The following BIRC2 variants were observed in gnomAD, a reference collection of about 807,000 sequenced individuals.
BIRC2 encodes baculoviral IAP repeat containing 2.
A neutral mutation model predicts 60.9 loss-of-function variants in BIRC2; 18 were observed. The observed-to-expected ratio is 0.30, with a 90% CI of 0.20 to 0.44. The LOEUF is 0.44. BIRC2 is among the 20% of genes least tolerant of loss of function. BIRC2 has a pLI of 1.00. For missense variants in BIRC2, 701 were observed against 728.5 expected, an observed-to-expected ratio of 0.96 and a Z score of 0.43; for synonymous variants, 282 against 247.7, an observed-to-expected ratio of 1.14 and a Z score of -1.30.
intron 3 of BIRC2, among the ~76,000 whole-genome samples, chr11:102,360,819 G>T (rs1182905450): frequency 1.0e-4 from 14 of 136,006 alleles, no homozygotes; most frequent in African/African-American, 3.3e-4. Context: ...TTTGCCTGTG[G>T]GTGAGGGTGA....
At position 102,378,193 on chromosome 11, in the gene BIRC2, G is replaced by A; in HGVS notation, c.*10G>A. On this transcript the variant is annotated 3_prime_UTR_variant, in exon 9 of 9. Coordinates refer to ENST00000227758, the MANE Select transcript of BIRC2 (RefSeq NM_001166.5). ...TACATTTCTCTCTTAAAGAAAAATA[G>A]TCTATATTTTAACCTGCATAAAAAG... The A allele has an allele frequency of 5.7e-6, 9 of 1,567,582 alleles. No individual in the cohort carries two copies. The highest frequency in any genetic ancestry group is 7.8e-6 in the Non-Finnish European group (9 of 1,160,542).
At chr11:102,351,641 A>G (rs1374454788) in intron 3 of BIRC2, among the ~76,000 whole-genome samples, 35 of 146,738 alleles carry the variant, frequency 2.4e-4, no homozygotes, top group African/African-American at 9.5e-4. Flanking sequence ...AAAAAAAGAA[A>G]AAAGCATATC....
intron 1 of BIRC2, 78 bp downstream of exon 1, chr11:102,347,454 A>T (rs1489922832): frequency 1.5e-3 from 1 of 678 alleles, no homozygotes; most frequent in Non-Finnish European, 2.6e-3. Context: ...CACTTCCCTG[A>T]TGTGGCGGCG....
chr11:102,369,918 A>ATGGCGAG (rs1951607721), intron 6 of BIRC2, among the ~76,000 whole-genome samples: 1 of 150,072 alleles, frequency 6.7e-6, no homozygotes. Context: ...ATGGCCAGTG[A>ATGGCGAG]TGATGAGCAT....
intron 5 of BIRC2, among the ~76,000 whole-genome samples, chr11:102,364,180 C>CAGAG (rs1565335654): frequency 2.7e-5 from 2 of 73,984 alleles, no homozygotes; most frequent in African/African-American, 1.6e-4. Flanking sequence ...TATATACACA[C>CAGAG]ACACACAGAG....
chr11:102,368,179 G>A (rs868220685), intron 5 of BIRC2, 127 bp from the exon 6 acceptor site: 45 of 1,036,820 alleles, frequency 4.3e-5, no homozygotes, highest in Non-Finnish European at 5.5e-5. Flanking sequence ...ATAGGTAATC[G>A]ATGCATATAG....
At chr11:102,347,535 C>T (rs1349314269) in intron 1 of BIRC2, 159 bp downstream of exon 1, 1 of 152,272 alleles carries the variant, frequency 6.6e-6, no homozygotes, top group African/African-American at 2.4e-5. Context: ...CTGCTTTCTA[C>T]TCTCGCCAAG....
chr11:102,372,992 C>G (rs1381017513), intron 6 of BIRC2, among the ~76,000 whole-genome samples: 2 of 151,768 alleles, frequency 1.3e-5, no homozygotes, highest in African/African-American at 2.4e-5. Flanking sequence ...ATTGCAACCC[C>G]TGCCTCTTTT....
chr11:102,362,330 G>A (rs1227966564), intron 3 of BIRC2, among the ~76,000 whole-genome samples: 1 of 151,984 alleles, frequency 6.6e-6, no homozygotes, highest in African/African-American at 2.4e-5. Context: ...AGATATAGAT[G>A]GTATGTGAAC....
At chr11:102,367,785 T>A (rs1182307263) in intron 5 of BIRC2, among the ~76,000 whole-genome samples, 2 of 152,218 alleles carry the variant, frequency 1.3e-5, no homozygotes, top group African/African-American at 4.8e-5. Context: ...TGAACTGATC[T>A]TCTATTTTAC....
chr11:102,358,782 T>C (rs571433341), intron 3 of BIRC2, among the ~76,000 whole-genome samples: 12 of 152,212 alleles, frequency 7.9e-5, no homozygotes, highest in African/African-American at 9.6e-5. Context: ...GATAAAACTT[T>C]AGCTTCCTCT....
Position 102,350,164 on chromosome 11 carries a change from A to C in BIRC2, c.310A>C (p.Lys104Gln). 6.2e-7 allele frequency: 1 copy of C among 1,614,260 alleles called. No homozygotes were observed. The highest frequency in any genetic ancestry group is 2.2e-5 in the East Asian group (1 of 44,890). The change falls in exon 2 of 9, where the codon AAA becomes CAA. Residue 104 changes from lysine (K) to glutamine (Q), a missense_variant. Transcript: ENST00000227758. Reference sequence around the variant, plus strand: ...AGGAGACAGTCCTATTCAAAAGCATAAACAGCTATATCCTAGCTGTAGCTT... The same window carrying C: ...AGGAGACAGTCCTATTCAAAAGCATCAACAGCTATATCCTAGCTGTAGCTT... ...KLGDSPIQKH[K>Q]QLYPSCSFIQ...
At chr11:102,359,124 G>A (rs967815253) in intron 3 of BIRC2, among the ~76,000 whole-genome samples, 5 of 152,006 alleles carry the variant, frequency 3.3e-5, no homozygotes, top group African/African-American at 1.2e-4. Context: ...TCTACTATTG[G>A]TTTCTACTTT....
chr11:102,374,282 C>T (rs1275851), intron 6 of BIRC2, among the ~76,000 whole-genome samples: 18,913 of 143,064 alleles, frequency 0.13, 2,677 homozygotes, highest in African/African-American at 0.31. Context: ...TTCTGTTTTT[C>T]CCCCATCTTT....
At chr11:102,355,431 T>G (rs1244489156) in intron 3 of BIRC2, among the ~76,000 whole-genome samples, 1 of 152,226 alleles carries the variant, frequency 6.6e-6, no homozygotes, top group East Asian at 1.9e-4. Flanking sequence ...ATTGTATATG[T>G]GGCTTTATTT....
intron 5 of BIRC2, among the ~76,000 whole-genome samples, chr11:102,366,499 T>A (rs1306096908): frequency 6.6e-6 from 1 of 152,084 alleles, no homozygotes; most frequent in Non-Finnish European, 1.5e-5. Context: ...CCCAGGTAGC[T>A]GGGACTACAG....
At chr11:102,373,029 C>T (rs1200609822) in intron 6 of BIRC2, among the ~76,000 whole-genome samples, 1 of 151,242 alleles carries the variant, frequency 6.6e-6, no homozygotes, top group African/African-American at 2.4e-5. Context: ...GGTAGATCTT[C>T]CTCCATCCTT....
chr11:102,349,206 A>G lies in BIRC2; in HGVS notation c.-649A>G, dbSNP rs923951577. 6.6e-6 allele frequency: 1 copy of G among 151,710 alleles called. No homozygotes were observed. Among genetic ancestry groups the G allele is most frequent in the Non-Finnish European group, 1.5e-5 (1 of 67,782 alleles). The allele number at this position is 151,710 out of a possible 1,614,324, so 9.4% of individuals were successfully genotyped here. A position where few individuals can be genotyped will look rare whatever the true frequency, so the allele number is the denominator to read the frequency against. ...GGTTCAACAAAGCTTGTGGGTATTG[A>G]CTTCCCCCAAAAGTTGTCAGCTGAA... is the stretch of plus-strand genomic sequence containing the variant. On this transcript the variant is annotated 5_prime_UTR_variant, in exon 2 of 9. Transcript: ENST00000227758.
At chr11:102,360,446 A>G (rs542897871) in intron 3 of BIRC2, among the ~76,000 whole-genome samples, 1 of 149,524 alleles carries the variant, frequency 6.7e-6, no homozygotes, top group South Asian at 2.1e-4. Context: ...TCTCTATTGC[A>G]TTTTTTGTTG....
Sources: allele counts gnomAD v4.1 joint callset (sites outside exome capture counted in the v4.1 genomes callset), GRCh38; gene constraint gnomAD v4.1.1; transcripts MANE v1.5; gene names NCBI Gene and HGNC (gene_info 2026-07-23, HGNC 2026-07-21).